The following ATF7 variants were observed in gnomAD, a reference collection of about 807,000 sequenced individuals.
ATF7 encodes cyclic AMP-dependent transcription factor ATF-7.
Under a neutral mutation model 50.4 loss-of-function variants are expected in ATF7, and 10 were observed. That is an observed-to-expected ratio of 0.20 (90% CI 0.12 to 0.34). The LOEUF (loss-of-function observed/expected upper bound fraction) is 0.34. ATF7 is among the 10% of genes least tolerant of loss of function. The probability of loss-of-function intolerance (pLI) is 1.00; values close to 1 mark genes in which losing one functional copy is unlikely to be tolerated. For missense variants in ATF7, 465 were observed against 613.9 expected (o/e 0.76, Z 2.56); for synonymous variants, 201 against 226.4 (o/e 0.89, Z 1.01).
chr12:53,613,614 T>G (rs899669417), intron 1 of ATF7, among the ~76,000 whole-genome samples: 3 of 152,062 alleles, frequency 2.0e-5, no homozygotes, highest in African/African-American at 7.2e-5. Flanking sequence ...TCTGTCTCCC[T>G]GGCTCAAGTG....
At chr12:53,606,554 G>GT (rs955480913) in intron 1 of ATF7, among the ~76,000 whole-genome samples, 24 of 150,862 alleles carry the variant, frequency 1.6e-4, no homozygotes, top group East Asian at 1.6e-3. Flanking sequence ...GGCCTGGCAC[G>GT]TTTTTTTTTA....
chr12:53,528,088 G>A (rs1938585870), intron 9 of ATF7, among the ~76,000 whole-genome samples: 1 of 151,876 alleles, frequency 6.6e-6, no homozygotes, highest in African/African-American at 2.4e-5. Context: ...GGATCCACCC[G>A]CCTCAGCCTC....
At chr12:53,620,135 C>T (rs1020694056) in intron 1 of ATF7, among the ~76,000 whole-genome samples, 1 of 151,816 alleles carries the variant, frequency 6.6e-6, no homozygotes, top group African/African-American at 2.4e-5. Flanking sequence ...CAGAGTAAGA[C>T]CCTGTCTCAA....
intron 6 of ATF7, among the ~76,000 whole-genome samples, chr12:53,534,256 G>C (rs949485871): frequency 1.3e-5 from 2 of 151,980 alleles, no homozygotes; most frequent in African/African-American, 4.8e-5. Flanking sequence ...CAGCCTGGGC[G>C]ACAGAGCGAG....
chr12:53,581,645 A>C (rs1163420830), intron 2 of ATF7, among the ~76,000 whole-genome samples: 2 of 152,164 alleles, frequency 1.3e-5, no homozygotes, highest in Admixed American at 6.5e-5. Flanking sequence ...AACTACATGA[A>C]AATGCAACTT....
intron 2 of ATF7, among the ~76,000 whole-genome samples, chr12:53,596,541 T>C (rs372056713): frequency 7.2e-5 from 11 of 152,164 alleles, no homozygotes; most frequent in African/African-American, 2.4e-4. Flanking sequence ...ACTGCAAACC[T>C]GTGTCATGTG....
At chr12:53,546,689 A>C (rs1214590199) in intron 3 of ATF7, among the ~76,000 whole-genome samples, 1 of 151,698 alleles carries the variant, frequency 6.6e-6, no homozygotes, top group East Asian at 1.9e-4. Context: ...ACCTCAAGTG[A>C]TCTGCCTGCC....
chr12:53,526,315 C>CCCTCCT (rs376486763), intron 9 of ATF7, among the ~76,000 whole-genome samples: 5 of 150,448 alleles, frequency 3.3e-5, no homozygotes, highest in South Asian at 2.1e-4. Flanking sequence ...CAAGACCAAG[C>CCCTCCT]CCTCCTCCTC....
intron 1 of ATF7, among the ~76,000 whole-genome samples, chr12:53,622,082 C>T (rs2137951542): frequency 6.6e-6 from 1 of 152,178 alleles, no homozygotes; most frequent in South Asian, 2.1e-4. Flanking sequence ...AGGCGGATCA[C>T]TTGAGGTCAA....
rs1592755461 is a variant in ATF7, at chr12:53,512,361, A to G, written c.*4776T>C. On this transcript the variant is annotated 3_prime_UTR_variant, in exon 12 of 12. Transcript: ENST00000420353. Reference sequence around the variant, plus strand: ...ATCCTCCTACCTGTCAAAGGCCACCACTGGGCACTGGGGAGACCCAGACCG... The same window carrying G: ...ATCCTCCTACCTGTCAAAGGCCACCGCTGGGCACTGGGGAGACCCAGACCG... 1 of 152,264 alleles carries G rather than the reference A, an allele frequency of 6.6e-6. No homozygotes were observed. Among genetic ancestry groups the G allele is most frequent in the Admixed American group, 6.5e-5 (1 of 15,292 alleles). The allele number at this position is 152,264 out of a possible 1,614,324, so 9.4% of individuals were successfully genotyped here. A position where few individuals can be genotyped will look rare whatever the true frequency, so the allele number is the denominator to read the frequency against.
chr12:53,570,323 T>C (rs927994384), intron 2 of ATF7, among the ~76,000 whole-genome samples: 2 of 152,108 alleles, frequency 1.3e-5, no homozygotes, highest in Non-Finnish European at 2.9e-5. Flanking sequence ...TTAACCTTCA[T>C]ATCACATTAC....
Position 53,587,838 on chromosome 12 carries a change from TATA to T in ATF7, c.48+13112_48+13114del, listed in dbSNP as rs1268841961. 1.3e-3 allele frequency among the ~76,000 whole-genome samples: 64 copies of T among 50,202 alleles called. No homozygotes were observed. The East Asian group carries it at 0.014, about 11-fold the overall frequency. 32.9% of individuals were successfully genotyped at this position (50,202 alleles called of 152,430 possible). On this transcript the variant is annotated intron_variant, in intron 2 of 11. Coordinates refer to ENST00000420353, the MANE Select transcript of ATF7 (RefSeq NM_006856.3). ...ACTTCTACATATATATATATATATA[TATA>T]TATTTTTTTTTTTTTTTCTTTTTGA...
chr12:53,508,067 A>T (rs998494470), downstream of ATF7: 2 of 151,750 alleles, frequency 1.3e-5, no homozygotes, highest in Non-Finnish European at 2.9e-5. Context: ...ATGATGATGG[A>T]GAGAATTTAA....
intron 1 of ATF7, among the ~76,000 whole-genome samples, chr12:53,619,844 C>G (rs1315231538): frequency 6.6e-6 from 1 of 151,746 alleles, no homozygotes. Flanking sequence ...AACAGAATTT[C>G]ATCTAATGTC....
chr12:53,531,658 C>T, intron 9 of ATF7, 86 bp downstream of exon 9: 3 of 1,391,834 alleles, frequency 2.2e-6, no homozygotes, highest in Non-Finnish European at 2.8e-6. Context: ...GAAGTCCATT[C>T]TTCTCTAATT....
intron 11 of ATF7, 108 bp from the exon 12 acceptor site, chr12:53,517,462 T>G: frequency 9.1e-7 from 1 of 1,102,850 alleles, no homozygotes; most frequent in Non-Finnish European, 1.3e-6. Context: ...AAAAGGGAAA[T>G]GAAACCCATC....
intron 2 of ATF7, among the ~76,000 whole-genome samples, chr12:53,556,419 T>G (rs1940757061): frequency 6.6e-6 from 1 of 152,180 alleles, no homozygotes; most frequent in Admixed American, 6.5e-5. Flanking sequence ...CAAAACCTAT[T>G]TTTAATACAA....
chr12:53,526,747 A>T (rs1433845725), intron 9 of ATF7, among the ~76,000 whole-genome samples: 1 of 152,052 alleles, frequency 6.6e-6, no homozygotes, highest in Non-Finnish European at 1.5e-5. Context: ...GCTACTTGGG[A>T]GGCTGAGATA....
Position 53,523,330 on chromosome 12 carries a change from C to G in ATF7, c.1180G>C (p.Ala394Pro). 6.2e-7 allele frequency: 1 copy of G among 1,614,056 alleles called. No homozygotes were observed. The highest frequency in any genetic ancestry group is 8.5e-7 in the Non-Finnish European group (1 of 1,179,956). Residue 394 changes from alanine to proline, a missense_variant, in exon 11 of 12, where the codon GCT (alanine) becomes CCT (proline). Physicochemically the swap from Ala to Pro is conservative, Grantham distance 27. Coordinates refer to ENST00000420353, the MANE Select transcript of ATF7 (RefSeq NM_006856.3). ...EVAQLKQLLLAHKDCPVTALQ... is the reference protein window; with the variant it reads ...EVAQLKQLLLPHKDCPVTALQ... ...GCAGTGACTGGGCAGTCTTTATGAG[C>G]TAACAGTAGCTGTTTCAACTGGGCC...
Sources: gnomAD v4.1 joint callset for allele counts (sites outside exome capture counted in the v4.1 genomes callset) on GRCh38, gnomAD v4.1.1 for gene constraint, MANE v1.5 for transcripts, NCBI Gene and HGNC (gene_info 2026-07-23, HGNC 2026-07-21) for gene names.